DNAJC13: variants seen among roughly 807,000 people sequenced by gnomAD.
DNAJC13 encodes the protein DnaJ heat shock protein family (Hsp40) member C13, also known as dnaJ homolog subfamily C member 13.
DNAJC13 carries 75 observed loss-of-function variants against 290.5 expected under a neutral mutation model. The observed-to-expected ratio is 0.26, with a 90% CI of 0.21 to 0.31. DNAJC13 has a LOEUF of 0.31. Ranked by LOEUF, DNAJC13 falls within the 10% of genes least tolerant of loss-of-function variation. DNAJC13 has a pLI of 1.00. For synonymous variants in DNAJC13, 862 were observed against 892.0 expected, an observed-to-expected ratio of 0.97 and a Z score of 0.60; for missense variants, 2,260 against 2,674.5, an observed-to-expected ratio of 0.85 and a Z score of 3.42.
At chr3:132,466,133 G>A (rs1362505143) in intron 18 of DNAJC13, 63 bp downstream of exon 18, 4 of 1,471,378 alleles carry the variant, frequency 2.7e-6, no homozygotes, top group Non-Finnish European at 3.8e-6. Context: ...CAAGTTATCT[G>A]TACTGTTAAA....
At chr3:132,463,577 A>C in intron 16 of DNAJC13, 119 bp from the exon 17 acceptor site, 1 of 1,200,796 alleles carries the variant, frequency 8.3e-7, no homozygotes, top group East Asian at 2.8e-5. Context: ...ATGCATTTTA[A>C]AAACTTCTAT....
At chr3:132,459,514 C>G (rs1024709468) in intron 13 of DNAJC13, among the ~76,000 whole-genome samples, 1 of 151,732 alleles carries the variant, frequency 6.6e-6, no homozygotes, top group Admixed American at 6.6e-5. Flanking sequence ...TGATGGTTGC[C>G]CAACAATGTG....
chr3:132,500,188 T>C (rs1427855114), intron 38 of DNAJC13, among the ~76,000 whole-genome samples: 1 of 152,248 alleles, frequency 6.6e-6, no homozygotes, highest in Non-Finnish European at 1.5e-5. Context: ...TTTAATTGGC[T>C]TAACATTTAA....
chr3:132,512,904 C>A (rs1935820502), intron 44 of DNAJC13, 104 bp from the exon 45 acceptor site: 1 of 932,874 alleles, frequency 1.1e-6, no homozygotes, highest in Non-Finnish European at 1.7e-6. Flanking sequence ...AACCAGTTAT[C>A]AGAGACTTAA....
intron 20 of DNAJC13, among the ~76,000 whole-genome samples, chr3:132,470,597 C>T (rs1335240151): frequency 1.1e-3 from 152 of 139,176 alleles, no homozygotes; most frequent in Non-Finnish European, 1.9e-3. Flanking sequence ...CCGGACGGGG[C>T]GGCTGGCCGG....
At chr3:132,460,723 A>C (rs796467382) in intron 14 of DNAJC13, among the ~76,000 whole-genome samples, 1 of 152,246 alleles carries the variant, frequency 6.6e-6, no homozygotes, top group African/African-American at 2.4e-5. Context: ...TTGAAGGAAC[A>C]TAAGCAGATT....
Position 132,523,588 on chromosome 3 carries a change from G to A in DNAJC13, c.5935G>A (p.Ala1979Thr). ...VVFGEAEGEL[A>T]VGGVFLRIFI... The stretch of plus-strand genomic sequence containing the variant: ...GTTTGGAGAAGCAGAGGGTGAACTT[G>A]CTGTTGGAGGAGTCTTCTTGAGGAT... Residue 1979 changes from alanine to threonine, a missense_variant, in exon 51 of 56, where the codon GCT (alanine) becomes ACT (threonine). Physicochemically the swap from Ala to Thr is moderately conservative, Grantham distance 58 (BLOSUM62 0). Transcript: ENST00000260818. 3 of 1,614,112 alleles carry A rather than the reference G, an allele frequency of 1.9e-6. No individual in the cohort carries two copies. The highest frequency in any genetic ancestry group is 2.5e-6 in the Non-Finnish European group (3 of 1,179,986).
intron 1 of DNAJC13, among the ~76,000 whole-genome samples, chr3:132,428,715 G>C (rs1939168044): frequency 6.6e-6 from 1 of 152,130 alleles, no homozygotes; most frequent in Non-Finnish European, 1.5e-5. Context: ...TTGTATGTTT[G>C]TTTTGAACAC....
chr3:132,507,551 A>T (rs1003969027), intron 43 of DNAJC13, among the ~76,000 whole-genome samples, 198 bp downstream of exon 43: 3 of 151,778 alleles, frequency 2.0e-5, no homozygotes, highest in Non-Finnish European at 4.4e-5. Context: ...TTCCAATAGC[A>T]TGTGTTCACT....
At chr3:132,512,638 G>T (rs1473287377) in intron 44 of DNAJC13, among the ~76,000 whole-genome samples, 1 of 151,430 alleles carries the variant, frequency 6.6e-6, no homozygotes, top group Non-Finnish European at 1.5e-5. Context: ...AATCATGTCA[G>T]AGTCTCCCAG....
intron 20 of DNAJC13, chr3:132,472,480 A>G: frequency 1.3e-6 from 1 of 783,854 alleles, no homozygotes; most frequent in Non-Finnish European, 1.5e-6. Context: ...GATGTGTAAT[A>G]GATATAATTT....
intron 13 of DNAJC13, 180 bp downstream of exon 13, chr3:132,457,548 A>G: frequency 1.8e-6 from 1 of 548,476 alleles, no homozygotes; most frequent in Non-Finnish European, 3.2e-6. Context: ...GCTGTGTGCC[A>G]GAAATTCAAA....
rs530986101 is a variant in DNAJC13 at position 132,467,809 on chromosome 3, T to G, written c.2208+496T>G. ...ATTCATATTTTTGTATACATTTTCC[T>G]TAGTTCATAGTTTTATGAGTTGATG... On this transcript the variant is annotated intron_variant, in intron 20 of 55. Transcript: ENST00000260818. Among the ~76,000 whole-genome samples, 4 of 152,344 alleles carry G rather than the reference T, an allele frequency of 2.6e-5. No individual in the cohort carries two copies. The East Asian group carries it at 7.7e-4, about 29-fold the overall frequency.
intron 54 of DNAJC13, among the ~76,000 whole-genome samples, chr3:132,529,876 A>G (rs1936364500): frequency 6.6e-6 from 1 of 151,868 alleles, no homozygotes; most frequent in South Asian, 2.1e-4. Flanking sequence ...GCAGTCATTA[A>G]CTGATGTGTT....
intron 34 of DNAJC13, 103 bp downstream of exon 34, chr3:132,494,362 A>C: frequency 2.3e-6 from 2 of 859,440 alleles, no homozygotes; most frequent in Non-Finnish European, 3.8e-6. Context: ...TCTTTTGCCT[A>C]TACTTTGATA....
At chr3:132,508,217 G>C (rs912588652) in intron 43 of DNAJC13, among the ~76,000 whole-genome samples, 12 of 152,128 alleles carry the variant, frequency 7.9e-5, no homozygotes, top group African/African-American at 2.7e-4. Context: ...TTGAAGCTAG[G>C]GGGGATTGGC....
chr3:132,504,135 C>T (rs547624508), intron 41 of DNAJC13, among the ~76,000 whole-genome samples: 1 of 151,962 alleles, frequency 6.6e-6, no homozygotes, highest in Non-Finnish European at 1.5e-5. Context: ...CTTTTGTTTT[C>T]GCTAAGGATG....
chr3:132,472,685 ATGTAG>A, intron 20 of DNAJC13: 1 of 760,206 alleles, frequency 1.3e-6, no homozygotes, highest in Non-Finnish European at 1.6e-6. Flanking sequence ...ATGTGTTTGA[ATGTAG>A]ACACATTTCT....
At chr3:132,480,821 A>G (rs931631241) in intron 26 of DNAJC13, among the ~76,000 whole-genome samples, 1 of 152,190 alleles carries the variant, frequency 6.6e-6, no homozygotes, top group Non-Finnish European at 1.5e-5. Flanking sequence ...AGGAGTCTGG[A>G]CACCTTCTTG....
Sources: allele counts gnomAD v4.1 joint callset (sites outside exome capture counted in the v4.1 genomes callset), GRCh38; gene constraint gnomAD v4.1.1; transcripts MANE v1.5; gene names NCBI Gene and HGNC (gene_info 2026-07-23, HGNC 2026-07-21).